The following RANBP2 variants were observed in gnomAD, a reference collection of about 807,000 sequenced individuals.
RANBP2 encodes RAN binding protein 2.
RANBP2 carries 57 observed loss-of-function variants against 303.6 expected under a neutral mutation model. That is an observed-to-expected ratio of 0.19 (90% CI 0.15 to 0.23). The LOEUF (loss-of-function observed/expected upper bound fraction) is 0.23, where lower values mean the gene tolerates loss of function less well. RANBP2 is among the 10% of genes least tolerant of loss of function. The pLI, the probability that RANBP2 is intolerant of heterozygous loss-of-function variation, is 1.00. For missense variants in RANBP2, 3,138 were observed against 3,780.8 expected (o/e 0.83, Z 4.46); for synonymous variants, 1,167 against 1,301.5 (o/e 0.90, Z 2.23).
At chr2:108,910,098 C>T in the RANBP2 span, among the ~76,000 whole-genome samples, 19 of 152,200 alleles carry the variant, frequency 1.2e-4, no homozygotes, top group African/African-American at 3.4e-4. Flanking sequence ...GTACTGGCAC[C>T]GGCACGGGTG....
chr2:108,751,560 C>G lies in RANBP2; in HGVS notation c.1488C>G (p.His496Gln). 6.2e-7 allele frequency: 1 copy of G among 1,610,460 alleles called. No homozygotes were observed. Among genetic ancestry groups the G allele is most frequent in the Non-Finnish European group, 8.5e-7 (1 of 1,179,122 alleles). The change falls in exon 11 of 29, where the codon CAC (histidine) becomes CAG (glutamine). Residue 496 changes from histidine (H) to glutamine (Q), a missense_variant. Around this residue, in one of 20 missense-constraint regions of RANBP2, gnomAD observed 162 missense variants for 286.9 expected, o/e 0.56. Transcript: ENST00000283195. ...TCCTTGGAGTAGTATATACCAGCCA[C>G]TTACAATTAAAGGAGAAATGTAATT... is the stretch of plus-strand genomic sequence containing the variant. ...VFLLGVVYTS[H>Q]LQLKEKCNSH... is the part of the protein sequence containing the mutation.
chr2:108,812,140 A>AT, the RANBP2 span, among the ~76,000 whole-genome samples: 3 of 152,144 alleles, frequency 2.0e-5, no homozygotes, highest in South Asian at 6.2e-4. Flanking sequence ...ACCTAAATAA[A>AT]TTGAAGATAT....
At chr2:109,189,055 C>T in the RANBP2 span, among the ~76,000 whole-genome samples, 1 of 152,154 alleles carries the variant, frequency 6.6e-6, no homozygotes, top group Non-Finnish European at 1.5e-5. Context: ...ATAGGAGTCC[C>T]TCCAGTGGAA....
the RANBP2 span, among the ~76,000 whole-genome samples, chr2:109,334,475 C>T: frequency 2.6e-5 from 4 of 151,934 alleles, no homozygotes; most frequent in Non-Finnish European, 2.9e-5. Context: ...CAGAACCCTG[C>T]GGACTTTCCT....
At chr2:109,501,436 A>G in the RANBP2 span, 1 of 686,114 alleles carries the variant, frequency 1.5e-6, no homozygotes, top group South Asian at 1.6e-5. Flanking sequence ...CGAGGGAAGA[A>G]GAGAAAGCAC....
the RANBP2 span, among the ~76,000 whole-genome samples, chr2:108,908,891 C>T: frequency 6.6e-5 from 10 of 152,030 alleles, no homozygotes; most frequent in African/African-American, 2.2e-4. Context: ...CAATGAGAAC[C>T]ATCATGAAGC....
the RANBP2 span, among the ~76,000 whole-genome samples, chr2:109,183,452 C>T: frequency 2.6e-5 from 4 of 152,146 alleles, no homozygotes; most frequent in Non-Finnish European, 5.9e-5. Flanking sequence ...GTTCAACTCC[C>T]ACACAGTAAA....
At chr2:109,266,744 C>T in the RANBP2 span, among the ~76,000 whole-genome samples, 1 of 152,178 alleles carries the variant, frequency 6.6e-6, no homozygotes, top group African/African-American at 2.4e-5. Context: ...ACGCTTGCTT[C>T]ATTAACAGCC....
chr2:109,465,724 C>T, the RANBP2 span, among the ~76,000 whole-genome samples: 1 of 152,124 alleles, frequency 6.6e-6, no homozygotes, highest in Non-Finnish European at 1.5e-5. Context: ...AGGAAGCTTC[C>T]AATCATGGCG....
the RANBP2 span, among the ~76,000 whole-genome samples, chr2:108,848,690 A>G: frequency 1.3e-5 from 2 of 152,324 alleles, no homozygotes; most frequent in East Asian, 1.9e-4. Context: ...ATGATTTATA[A>G]CAAGTAAAAC....
At chr2:109,720,148 C>T in the RANBP2 span, among the ~76,000 whole-genome samples, 1 of 152,096 alleles carries the variant, frequency 6.6e-6, no homozygotes, top group Non-Finnish European at 1.5e-5. Context: ...GCCAATAGAA[C>T]ATGTGATGGG....
the RANBP2 span, among the ~76,000 whole-genome samples, chr2:108,837,912 A>G: frequency 2.6e-5 from 4 of 152,074 alleles, no homozygotes; most frequent in South Asian, 8.3e-4. Flanking sequence ...TGAGGTGTCT[A>G]TAATTTTTTC....
chr2:109,154,366 G>T, the RANBP2 span, among the ~76,000 whole-genome samples: 2 of 152,154 alleles, frequency 1.3e-5, no homozygotes, highest in Non-Finnish European at 2.9e-5. Context: ...GAAGCTTCTG[G>T]GTAGGGAGTA....
the RANBP2 span, among the ~76,000 whole-genome samples, chr2:109,500,298 T>A: frequency 2.6e-5 from 4 of 152,142 alleles, no homozygotes; most frequent in Non-Finnish European, 5.9e-5. Context: ...GAGAGAACTC[T>A]TGGTCAGTGC....
chr2:109,064,009 G>A, the RANBP2 span, among the ~76,000 whole-genome samples: 1 of 152,254 alleles, frequency 6.6e-6, no homozygotes, highest in South Asian at 2.1e-4. Flanking sequence ...TGAGTGGGTT[G>A]GATTCTAGGC....
chr2:108,728,595 TATGATG>T (rs56238649), intron 1 of RANBP2, among the ~76,000 whole-genome samples: 2,327 of 145,102 alleles, frequency 0.016, 35 homozygotes, highest in South Asian at 0.038. Context: ...CCAGCTTATT[TATGATG>T]ATGATGATGA....
chr2:109,192,267 G>A, the RANBP2 span, among the ~76,000 whole-genome samples: 1 of 152,152 alleles, frequency 6.6e-6, no homozygotes, highest in Non-Finnish European at 1.5e-5. Context: ...GCAGCTCATG[G>A]GATGTTTGGA....
At chr2:109,243,282 C>T in the RANBP2 span, among the ~76,000 whole-genome samples, 3 of 152,360 alleles carry the variant, frequency 2.0e-5, no homozygotes, top group South Asian at 2.1e-4. Flanking sequence ...CGGCGTCAGC[C>T]GTACACCGCA....
chr2:109,264,176 C>T, the RANBP2 span, among the ~76,000 whole-genome samples: 2 of 151,294 alleles, frequency 1.3e-5, no homozygotes, highest in African/African-American at 4.9e-5. Flanking sequence ...CCAGGATCCA[C>T]CCCAAGTCTG....
Sources: allele counts gnomAD v4.1 joint callset (sites outside exome capture counted in the v4.1 genomes callset), GRCh38; gene constraint gnomAD v4.1.1; regional missense constraint gnomAD v4.1.1; transcripts MANE v1.5; gene names NCBI Gene and HGNC (gene_info 2026-07-23, HGNC 2026-07-21).